ECSIT: variants seen among roughly 807,000 people sequenced by gnomAD.
ECSIT encodes ECSIT signaling integrator, also known as evolutionarily conserved signaling intermediate in Toll pathway, mitochondrial.
Under a neutral mutation model 36.8 loss-of-function variants are expected in ECSIT, and 29 were observed. The ratio of observed to expected loss-of-function variants is 0.79; its 90% CI spans 0.59 to 1.08. ECSIT has a LOEUF of 1.08. Ranked by LOEUF, ECSIT falls within the 50% of genes least tolerant of loss-of-function variation. The pLI, the probability that ECSIT is intolerant of heterozygous loss-of-function variation, is 0.00. For missense variants in ECSIT, 542 were observed against 581.0 expected (o/e 0.93, Z 0.69); for synonymous variants, 231 against 234.8 (o/e 0.98, Z 0.15).
chr19:11,505,946 G>A lies in ECSIT; in HGVS notation c.*238C>T, dbSNP rs887955613. 7 of 892,460 alleles carry A rather than the reference G, an allele frequency of 7.8e-6. No individual in the cohort carries two copies. In the East Asian group the frequency reaches 1.2e-4, roughly 15 times the overall value. 55.3% of individuals were successfully genotyped at this position (892,460 alleles called of 1,614,324 possible). The stretch of plus-strand genomic sequence containing the variant: ...ACTGCGCATGCGCACAACCAACAGC[G>A]CTCCCGCCCCTTTTTATTTGAATTC... On this transcript the variant is annotated 3_prime_UTR_variant, in exon 8 of 8. Transcript: ENST00000270517.
chr19:11,527,770 G>T (rs761048214), intron 1 of ECSIT, among the ~76,000 whole-genome samples: 4 of 150,778 alleles, frequency 2.7e-5, no homozygotes, highest in Non-Finnish European at 5.9e-5. Flanking sequence ...GGGGAGGATC[G>T]CTTGAGCCCA....
chr19:11,522,266 T>C, intron 1 of ECSIT: 1 of 638,234 alleles, frequency 1.6e-6, no homozygotes. Context: ...TATTGGGACC[T>C]GACCACCACG....
chr19:11,524,857 G>A (rs1972181135), intron 1 of ECSIT, among the ~76,000 whole-genome samples: 1 of 152,000 alleles, frequency 6.6e-6, no homozygotes, highest in Admixed American at 6.6e-5. Context: ...AAAGCACTCT[G>A]GCCAGGCGCA....
At chr19:11,517,230 A>G (rs1184346125) in intron 2 of ECSIT, among the ~76,000 whole-genome samples, 2 of 150,138 alleles carry the variant, frequency 1.3e-5, no homozygotes, top group South Asian at 2.1e-4. Context: ...CAGTCCCCCT[A>G]CTCTGCGGTC....
chr19:11,525,566 C>G (rs188536240), intron 1 of ECSIT: 30 of 151,866 alleles, frequency 2.0e-4, no homozygotes, highest in African/African-American at 5.8e-4. Context: ...AAAGTGTGTT[C>G]TAGGGACTGG....
intron 2 of ECSIT, among the ~76,000 whole-genome samples, chr19:11,515,666 G>A (rs1599583367): frequency 6.6e-6 from 1 of 151,288 alleles, no homozygotes; most frequent in Non-Finnish European, 1.5e-5. Context: ...ATGGAGTCTC[G>A]CTCTGTTGCC....
intron 4 of ECSIT, among the ~76,000 whole-genome samples, chr19:11,511,339 G>A (rs746766228): frequency 6.6e-6 from 1 of 152,158 alleles, no homozygotes; most frequent in Non-Finnish European, 1.5e-5. Context: ...AGCCTTGGGA[G>A]ACAGGAGGGA....
Position 11,519,305 on chromosome 19 carries a change from C to T in ECSIT, c.-23-112G>A. On this transcript the variant is annotated intron_variant, in intron 1 of 7. Transcript: ENST00000270517. The surrounding 1 kb of genome is among the most constrained non-coding windows in gnomAD (Gnocchi z 4.4). ...AGATTATGTGGCTCACTCACCAGCC[C>T]CAATGTTTACCTTACCCAAGAAACA... 3 of 729,570 alleles carry T rather than the reference C, an allele frequency of 4.1e-6. No individual in the cohort carries two copies. Among genetic ancestry groups the T allele is most frequent in the Non-Finnish European group, 4.8e-6 (2 of 414,366 alleles). The allele number at this position is 729,570 out of a possible 1,614,324, so 45.2% of individuals were successfully genotyped here.
At position 11,519,181 on chromosome 19, in the gene ECSIT, GTCAGACAA is replaced by G; in HGVS notation, c.-19_-12del. The stretch of plus-strand genomic sequence containing the variant: ...CTGGACCCAGCTCATGCCTCTGCTT[GTCAGACAA>G]TCACCTGGCCCAAAAGAAGATTCAG... On this transcript the variant is annotated 5_prime_UTR_variant, in exon 2 of 8. Transcript: ENST00000270517. This position sits in a 1 kb window ranked among gnomAD's most constrained non-coding sequence, Gnocchi z 4.4. 2 of 1,547,322 alleles carry G rather than the reference GTCAGACAA, an allele frequency of 1.3e-6. No homozygotes were observed. The highest frequency in any genetic ancestry group is 2.4e-5 in the South Asian group (2 of 83,958).
chr19:11,523,575 C>A, intron 1 of ECSIT: 1 of 1,031,542 alleles, frequency 9.7e-7, no homozygotes, highest in Non-Finnish European at 1.5e-6. Flanking sequence ...AAGCGCCAAG[C>A]CCATCTTTGT....
intron 3 of ECSIT, 95 bp from the exon 4 acceptor site, chr19:11,513,374 A>G: frequency 9.9e-7 from 1 of 1,012,306 alleles, no homozygotes; most frequent in African/African-American, 1.6e-5. Context: ...GGAATTGATC[A>G]CAGACAGGGA....
intron 7 of ECSIT, 85 bp downstream of exon 7, chr19:11,507,372 C>T: frequency 9.0e-7 from 1 of 1,114,000 alleles, no homozygotes; most frequent in South Asian, 1.2e-5. Flanking sequence ...AACTCCTGGG[C>T]TCAAGTGATC....
chr19:11,517,945 T>G (rs1972029401), intron 2 of ECSIT, among the ~76,000 whole-genome samples: 1 of 151,264 alleles, frequency 6.6e-6, no homozygotes, highest in African/African-American at 2.4e-5. Flanking sequence ...TCCACCGAGC[T>G]CATACATCCT....
At chr19:11,516,963 G>A (rs889137047) in intron 2 of ECSIT, among the ~76,000 whole-genome samples, 6 of 152,038 alleles carry the variant, frequency 3.9e-5, no homozygotes, top group African/African-American at 1.4e-4. Context: ...AGGTTGCAGT[G>A]AGCCAAGATC....
At chr19:11,522,471 C>G in intron 1 of ECSIT, 1 of 1,409,244 alleles carries the variant, frequency 7.1e-7, no homozygotes, top group Non-Finnish European at 9.9e-7. Context: ...CACGCTTCAC[C>G]ACCAAAAGGC....
chr19:11,513,961 C>A lies in ECSIT; in HGVS notation c.357G>T (p.Glu119Asp), dbSNP rs377094929. Residue 119 changes from glutamate (E) to aspartate (D), a missense_variant, in exon 3 of 8, where the codon GAG becomes GAT. Physicochemically the swap from Glu to Asp is conservative, Grantham distance 45. Transcript: ENST00000270517. Reference sequence around the variant, plus strand: ...CAGCCAGGTCCCGCTCGACACCATACTCCCGCATCTTGCGCAGGGCCAGGT... The same window carrying A: ...CAGCCAGGTCCCGCTCGACACCATAATCCCGCATCTTGCGCAGGGCCAGGT... ...FIYLALRKMR[E>D]YGVERDLAVY... 1.0e-4 allele frequency: 164 copies of A among 1,614,122 alleles called. No homozygotes were observed. Among genetic ancestry groups the A allele is most frequent in the Non-Finnish European group, 1.3e-4 (159 of 1,180,052 alleles).
At chr19:11,528,891 T>TGGCACAAGACAGGCGGCC (rs1276712758) in intron 1 of ECSIT, 171 bp downstream of exon 1, 3 of 152,246 alleles carry the variant, frequency 2.0e-5, no homozygotes, top group Non-Finnish European at 4.4e-5. Context: ...GTGAGGCGGC[T>TGGCACAAGACAGGCGGCC]GGCACAAGAC....
At chr19:11,522,579 T>C in intron 1 of ECSIT, 1 of 627,872 alleles carries the variant, frequency 1.6e-6, no homozygotes, top group Non-Finnish European at 2.8e-6. Context: ...CCAGTCATGG[T>C]GGTACATGCC....
Position 11,514,040 on chromosome 19 carries a change from A to G in ECSIT, c.278T>C (p.Val93Ala). ...CACGCTGTGCTCCGCAAATTTCTGC[A>G]CCGTCTGCAGGAAGCTCGCCTTGTC... ...ERDKASFLQT[V>A]QKFAEHSVRK... Residue 93 changes from valine to alanine, a missense_variant, in exon 3 of 8, where the codon GTG becomes GCG. Transcript: ENST00000270517. The G allele has an allele frequency of 6.2e-7, 1 of 1,614,210 alleles. No individual in the cohort carries two copies. The highest frequency in any genetic ancestry group is 8.5e-7 in the Non-Finnish European group (1 of 1,180,034).
Sources: allele counts gnomAD v4.1 joint callset (sites outside exome capture counted in the v4.1 genomes callset), GRCh38; gene constraint gnomAD v4.1.1; non-coding constraint Gnocchi (gnomAD v3.1); transcripts MANE v1.5; gene names NCBI Gene and HGNC (gene_info 2026-07-23, HGNC 2026-07-21).